SLC35D1: variants seen among roughly 807,000 people sequenced by gnomAD.
The protein encoded by SLC35D1 is solute carrier family 35 member D1, also known as nucleotide sugar transporter SLC35D1.
A neutral mutation model predicts 46.7 loss-of-function variants in SLC35D1; 31 were observed. The ratio of observed to expected loss-of-function variants is 0.66; its 90% confidence interval spans 0.50 to 0.90. The LOEUF is 0.90. SLC35D1 is among the 40% of genes least tolerant of loss of function. SLC35D1 has a pLI of 0.00. For synonymous variants in SLC35D1, 195 were observed against 164.6 expected (o/e 1.18, Z -1.41); for missense variants, 397 against 426.2 (o/e 0.93, Z 0.60).
intron 10 of SLC35D1, among the ~76,000 whole-genome samples, chr1:67,011,916 T>C (rs1667573761): frequency 7.1e-6 from 1 of 141,022 alleles, no homozygotes; most frequent in Non-Finnish European, 1.5e-5. Flanking sequence ...AAAATAGTCT[T>C]TTCCTTTATC....
intron 8 of SLC35D1, chr1:67,032,162 T>C (rs1668029239): frequency 1.1e-6 from 1 of 897,818 alleles, no homozygotes; most frequent in East Asian, 1.2e-4. Context: ...CTGTTTTGAA[T>C]AAAGTCTTTA....
intron 10 of SLC35D1, among the ~76,000 whole-genome samples, chr1:67,013,157 G>GATATATATATATATATGTATATATAT (rs964691631): frequency 6.0e-4 from 18 of 29,794 alleles, no homozygotes; most frequent in South Asian, 1.9e-3. Context: ...ATATCCTGGA[G>GATATATATATATATATGTATATATAT]ATATATATAT....
rs1229285775 is a variant in SLC35D1, at chr1:67,049,830, A to G, written c.485T>C (p.Ile162Thr). The G allele has an allele frequency of 1.2e-6, 2 of 1,613,772 alleles. No homozygotes were observed. The highest frequency in any genetic ancestry group is 1.7e-6 in the Non-Finnish European group (2 of 1,179,802). ...AATCATTGCAAATACAGTCATTTTAATACCCCAAGAAAAAGTCTTCCTACA... is the reference window on the plus strand; with the variant it reads ...AATCATTGCAAATACAGTCATTTTAGTACCCCAAGAAAAAGTCTTCCTACA... ...VLLKKTFSWG[I>T]KMTVFAMIIG... is the part of the protein sequence containing the mutation. The change falls in exon 6 of 12, where the codon ATT becomes ACT. Residue 162 changes from isoleucine (I) to threonine (T), a missense_variant. Transcript: ENST00000235345.
intron 11 of SLC35D1, among the ~76,000 whole-genome samples, chr1:67,007,722 T>C (rs1276857445): frequency 6.6e-6 from 1 of 152,072 alleles, no homozygotes; most frequent in Non-Finnish European, 1.5e-5. Flanking sequence ...TCTAGCAGCT[T>C]TGGGGAAGGG....
At chr1:66,974,917 C>T in the SLC35D1 span, among the ~76,000 whole-genome samples, 6 of 152,056 alleles carry the variant, frequency 3.9e-5, no homozygotes, top group Non-Finnish European at 8.8e-5. Context: ...ATGACTTTAT[C>T]TTTTTGCTTT....
intron 10 of SLC35D1, among the ~76,000 whole-genome samples, chr1:67,018,694 G>C (rs542937600): frequency 6.6e-6 from 1 of 152,300 alleles, no homozygotes; most frequent in African/African-American, 2.4e-5. Context: ...CCATGCTGAA[G>C]AGAAAAAGGA....
chr1:67,011,313 G>A (rs1251583025), intron 10 of SLC35D1, among the ~76,000 whole-genome samples: 1 of 152,072 alleles, frequency 6.6e-6, no homozygotes, highest in Non-Finnish European at 1.5e-5. Context: ...AGTAAGCAGG[G>A]TCACCAAAGC....
Position 67,014,895 on chromosome 1 carries a change from T to C in SLC35D1, c.876+5474A>G, listed in dbSNP as rs147752563. The stretch of plus-strand genomic sequence containing the variant: ...GGCCCTGTCCTCCCTAGCCCAACCA[T>C]GTCTCTTGGCCATACTAAGGATTAA... On this transcript the variant is annotated intron_variant, in intron 10 of 11. Coordinates refer to ENST00000235345, the MANE Select transcript of SLC35D1 (RefSeq NM_015139.3). Among the ~76,000 whole-genome samples the C allele has an allele frequency of 6.3e-3, 948 of 151,570 alleles. 5 individuals carry two copies. Among genetic ancestry groups the C allele is most frequent in the Middle Eastern group, 0.037 (11 of 294 alleles).
At chr1:67,032,676 C>T (rs1295610326) in intron 8 of SLC35D1, among the ~76,000 whole-genome samples, 2 of 152,012 alleles carry the variant, frequency 1.3e-5, no homozygotes, top group African/African-American at 4.8e-5. Context: ...AGTAAAACTC[C>T]GTCTCAAAAT....
chr1:66,996,157 T>G (rs960291601), downstream of SLC35D1, among the ~76,000 whole-genome samples: 1 of 152,190 alleles, frequency 6.6e-6, no homozygotes. Flanking sequence ...TGAAAACACA[T>G]AGTCGGCCCT....
chr1:67,047,293 G>A lies in SLC35D1; in HGVS notation c.608C>T (p.Ala203Val). The change falls in exon 7 of 12, where the codon GCA becomes GTA. Residue 203 changes from alanine to valine, a missense_variant. By Grantham distance (64) the Ala-to-Val change is moderately conservative. Coordinates refer to ENST00000235345, the MANE Select transcript of SLC35D1 (RefSeq NM_015139.3). ...INDVLTAANG[A>V]YVKQKLDSKE... Reference sequence around the variant, plus strand: ...TGAATCTAATTTTTGTTTTACGTATGCACCATTTGCTGCTGTTAGGACATC... The same window carrying A: ...TGAATCTAATTTTTGTTTTACGTATACACCATTTGCTGCTGTTAGGACATC... 1.2e-6 allele frequency: 2 copies of A among 1,613,266 alleles called. No homozygotes were observed. Among genetic ancestry groups the A allele is most frequent in the Non-Finnish European group, 1.7e-6 (2 of 1,179,842 alleles).
chr1:67,024,050 T>C lies in SLC35D1; in HGVS notation c.730-2448A>G, dbSNP rs185812975. 2.6e-5 allele frequency among the ~76,000 whole-genome samples: 4 copies of C among 152,016 alleles called. No homozygotes were observed. The East Asian group carries it at 5.8e-4, about 22-fold the overall frequency. On this transcript the variant is annotated intron_variant, in intron 8 of 11. Coordinates refer to ENST00000235345, the MANE Select transcript of SLC35D1 (RefSeq NM_015139.3). ...ACCTCCGTCTCCTGGGTTCAAGTGATTCTCCTGCCTCAGCCTTCCAACTAG... is the reference window on the plus strand; with the variant it reads ...ACCTCCGTCTCCTGGGTTCAAGTGACTCTCCTGCCTCAGCCTTCCAACTAG...
chr1:66,975,679 C>T, the SLC35D1 span, among the ~76,000 whole-genome samples: 969 of 152,216 alleles, frequency 6.4e-3, 9 homozygotes, highest in African/African-American at 0.022. Context: ...CATTTAATTC[C>T]GTAGGCATTT....
chr1:67,044,964 C>T (rs1645236203), intron 7 of SLC35D1, among the ~76,000 whole-genome samples: 1 of 152,076 alleles, frequency 6.6e-6, no homozygotes, highest in Admixed American at 6.5e-5. Flanking sequence ...CTGGGATAAA[C>T]CAAGTAACTG....
chr1:66,985,425 T>C, the SLC35D1 span: 1 of 982,910 alleles, frequency 1.0e-6, no homozygotes, highest in Non-Finnish European at 1.2e-6. Context: ...TCCTGAAAAT[T>C]ATGCTAGCAT....
intron 8 of SLC35D1, among the ~76,000 whole-genome samples, chr1:67,031,766 C>A (rs1668022128): frequency 6.6e-6 from 1 of 152,146 alleles, no homozygotes; most frequent in African/African-American, 2.4e-5. Flanking sequence ...TGAGGATCAA[C>A]TGAGAGACTA....
At chr1:66,980,020 T>C in the SLC35D1 span, among the ~76,000 whole-genome samples, 2 of 152,214 alleles carry the variant, frequency 1.3e-5, no homozygotes, top group Non-Finnish European at 2.9e-5. Context: ...TGCCTCGGCC[T>C]CCCAAAGTGC....
chr1:67,047,484 G>T lies in SLC35D1; in HGVS notation c.534-117C>A, dbSNP rs1479914832. 15 of 881,104 alleles carry T rather than the reference G, an allele frequency of 1.7e-5. No individual in the cohort carries two copies. In the Admixed American group the frequency reaches 2.9e-4, roughly 17 times the overall value. The allele number at this position is 881,104 out of a possible 1,614,324, so 54.6% of individuals were successfully genotyped here. On this transcript the variant is annotated intron_variant, in intron 6 of 11. Coordinates refer to ENST00000235345, the MANE Select transcript of SLC35D1 (RefSeq NM_015139.3). ...TCTCATCTAGGGAAGTGAATATTAG[G>T]CATTTTATCAGCTACTAGTATTTCT...
At chr1:66,986,290 A>C in the SLC35D1 span, 1 of 1,468,924 alleles carries the variant, frequency 6.8e-7, no homozygotes, top group Non-Finnish European at 8.9e-7. Flanking sequence ...TAAAAGTGCC[A>C]TTTTATTTTT....
Sources: allele counts gnomAD v4.1 joint callset (sites outside exome capture counted in the v4.1 genomes callset), GRCh38; gene constraint gnomAD v4.1.1; transcripts MANE v1.5; gene names NCBI Gene and HGNC (gene_info 2026-07-23, HGNC 2026-07-21).